Variants in TXNL4A observed in about 807,000 individuals in gnomAD.
The protein encoded by TXNL4A is thioredoxin-like protein 4A.
TXNL4A carries 17 observed loss-of-function variants against 14.6 expected under a neutral mutation model. The observed-to-expected ratio is 1.16, with a 90% CI of 0.80 to 1.74. The LOEUF is 1.74. Among genes scored for constraint, TXNL4A ranks in the 40% most tolerant of loss-of-function variants. TXNL4A has a pLI of 0.00. For missense variants in TXNL4A, 74 were observed against 195.2 expected (o/e 0.38, Z 3.70); for synonymous variants, 83 against 70.6 (o/e 1.18, Z -0.88).
chr18:79,975,421 A>C (rs2051364104), intron 2 of TXNL4A, among the ~76,000 whole-genome samples: 1 of 152,238 alleles, frequency 6.6e-6, no homozygotes, highest in Non-Finnish European at 1.5e-5. Flanking sequence ...CATCAGTCCT[A>C]AAAATATCAA....
At chr18:79,981,942 T>C (rs952811303) in intron 1 of TXNL4A, among the ~76,000 whole-genome samples, 1 of 127,752 alleles carries the variant, frequency 7.8e-6, no homozygotes, top group African/African-American at 2.5e-5. Context: ...CACCTCTAAA[T>C]AGATGTCGCC....
intron 1 of TXNL4A, among the ~76,000 whole-genome samples, chr18:80,020,437 C>T (rs1356628468): frequency 2.0e-5 from 3 of 152,194 alleles, no homozygotes; most frequent in African/African-American, 4.8e-5. Flanking sequence ...TTAACTTATT[C>T]CTCATGGCTA....
chr18:79,992,357 GT>G (rs2051633485), upstream of TXNL4A, among the ~76,000 whole-genome samples: 1 of 152,202 alleles, frequency 6.6e-6, no homozygotes, highest in Admixed American at 6.5e-5. Context: ...GGCAAATCTA[GT>G]TCTTTAGAGA....
rs752053335 is a variant in TXNL4A at position 79,972,876 on chromosome 18, G to C, written c.*809C>G. 20 of 152,170 alleles carry C rather than the reference G, an allele frequency of 1.3e-4. 1 individual carries two copies. The highest frequency in any genetic ancestry group is 2.1e-4 in the Non-Finnish European group (14 of 68,038). The allele number at this position is 152,170 out of a possible 1,614,324, so 9.4% of individuals were successfully genotyped here. A position where few individuals can be genotyped will look rare whatever the true frequency, so the allele number is the denominator to read the frequency against. On this transcript the variant is annotated 3_prime_UTR_variant, in exon 3 of 3. Coordinates refer to ENST00000269601, the MANE Select transcript of TXNL4A (RefSeq NM_006701.5). ...AAAAATAGCTCTCCTATTCCTTACA[G>C]GGAAGGCTATAAACAATATTTTATT...
chr18:79,996,116 A>C (rs1163475299), intron 1 of TXNL4A, among the ~76,000 whole-genome samples: 25 of 150,168 alleles, frequency 1.7e-4, no homozygotes, highest in African/African-American at 5.9e-4. Flanking sequence ...AAAAAAAAAA[A>C]AAAAAAAAAA....
At chr18:80,016,061 G>T (rs28863000) in intron 1 of TXNL4A, among the ~76,000 whole-genome samples, 39,401 of 134,812 alleles carry the variant, frequency 0.29, 5,114 homozygotes, top group South Asian at 0.47. Flanking sequence ...ATTCTAACTG[G>T]TGTGAGATGG....
At chr18:80,002,323 T>C (rs2051703408) in intron 1 of TXNL4A, among the ~76,000 whole-genome samples, 2 of 152,204 alleles carry the variant, frequency 1.3e-5, no homozygotes, top group African/African-American at 2.4e-5. Flanking sequence ...AGGTGCATGC[T>C]GATGAGAATA....
intron 1 of TXNL4A, among the ~76,000 whole-genome samples, chr18:79,995,802 T>C (rs9948775): frequency 0.047 from 7,215 of 152,156 alleles, 568 homozygotes; most frequent in African/African-American, 0.16. Context: ...CTGTTACTAG[T>C]GTAAAAGACC....
intron 1 of TXNL4A, among the ~76,000 whole-genome samples, chr18:80,028,703 G>C (rs1319954683): frequency 6.6e-6 from 1 of 152,180 alleles, no homozygotes; most frequent in East Asian, 1.9e-4. Flanking sequence ...TGATTGCCCT[G>C]ACCCGTGGTT....
chr18:79,991,107 CAAAA>C (rs34442066), upstream of TXNL4A, among the ~76,000 whole-genome samples: 8 of 91,618 alleles, frequency 8.7e-5, no homozygotes, highest in African/African-American at 1.3e-4. Flanking sequence ...GACTCCGTCT[CAAAA>C]AAAAAAAAAA....
At chr18:79,983,871 G>A (rs1007048991) in intron 1 of TXNL4A, among the ~76,000 whole-genome samples, 6 of 152,172 alleles carry the variant, frequency 3.9e-5, no homozygotes, top group Admixed American at 3.3e-4. Flanking sequence ...GATGACCCAC[G>A]GGGCCAAGTT....
chr18:80,031,807 G>A (rs2051923261), intron 1 of TXNL4A, among the ~76,000 whole-genome samples: 1 of 152,218 alleles, frequency 6.6e-6, no homozygotes, highest in South Asian at 2.1e-4. Flanking sequence ...CCCGGCTTAT[G>A]ACTGATATGA....
At chr18:80,033,239 A>AAATG (rs2051936492) in intron 1 of TXNL4A, among the ~76,000 whole-genome samples, 1 of 152,186 alleles carries the variant, frequency 6.6e-6, no homozygotes, top group Non-Finnish European at 1.5e-5. Flanking sequence ...ATGTCCACAC[A>AAATG]CATGCACACA....
chr18:80,032,351 A>C (rs2051927323), intron 1 of TXNL4A, among the ~76,000 whole-genome samples: 1 of 152,184 alleles, frequency 6.6e-6, no homozygotes, highest in South Asian at 2.1e-4. Context: ...AAAGAAAAAA[A>C]AGGGGGGAAA....
intron 1 of TXNL4A, among the ~76,000 whole-genome samples, chr18:80,033,180 T>C (rs1385897834): frequency 2.0e-5 from 3 of 152,150 alleles, no homozygotes; most frequent in African/African-American, 7.2e-5. Flanking sequence ...CACACATACA[T>C]ACGCATACAC....
intron 2 of TXNL4A, 59 bp from the exon 3 acceptor site, chr18:79,973,915 T>C: frequency 6.3e-7 from 1 of 1,584,500 alleles, no homozygotes; most frequent in Non-Finnish European, 8.6e-7. Context: ...AAGAATTCCT[T>C]GAAAACAATG....
chr18:80,014,063 A>G (rs549774861), intron 1 of TXNL4A, among the ~76,000 whole-genome samples: 1 of 152,198 alleles, frequency 6.6e-6, no homozygotes, highest in South Asian at 2.1e-4. Flanking sequence ...ACCAGCCCCC[A>G]TGATTCAATT....
At chr18:79,997,570 T>C (rs1176908797) in intron 1 of TXNL4A, among the ~76,000 whole-genome samples, 2 of 152,174 alleles carry the variant, frequency 1.3e-5, no homozygotes, top group African/African-American at 4.8e-5. Context: ...AGTATTCCTG[T>C]AGATCCAGAC....
chr18:79,986,323 C>A (rs1343021669), intron 1 of TXNL4A, among the ~76,000 whole-genome samples: 4 of 152,198 alleles, frequency 2.6e-5, no homozygotes, highest in African/African-American at 9.7e-5. Flanking sequence ...ACATGAACTA[C>A]CGCGCCTGGC....
Sources: allele counts gnomAD v4.1 joint callset (sites outside exome capture counted in the v4.1 genomes callset), GRCh38; gene constraint gnomAD v4.1.1; transcripts MANE v1.5; gene names NCBI Gene and HGNC (gene_info 2026-07-23, HGNC 2026-07-21).